Variants in ANTXRL observed in about 807,000 individuals in gnomAD.
ANTXRL encodes anthrax toxin receptor-like.
Under a neutral mutation model 75.4 loss-of-function variants are expected in ANTXRL, and 63 were observed. The ratio of observed to expected loss-of-function variants is 0.84; its 90% CI spans 0.68 to 1.03. The LOEUF (loss-of-function observed/expected upper bound fraction) is 1.03. Among genes scored for constraint, ANTXRL ranks in the 50% least tolerant of loss-of-function variants. The probability of loss-of-function intolerance (pLI) is 0.00; values close to 1 mark genes in which losing one functional copy is unlikely to be tolerated. For synonymous variants in ANTXRL, 335 were observed against 291.3 expected, an observed-to-expected ratio of 1.15 and a Z score of -1.53; for missense variants, 797 against 789.4, an observed-to-expected ratio of 1.01 and a Z score of -0.12.
chr10:46,329,950 T>TG lies in ANTXRL; in HGVS notation c.1763dup (p.Cys588TrpfsTer11). 1 of 1,533,788 alleles carries TG rather than the reference T, an allele frequency of 6.5e-7. No individual in the cohort carries two copies. ...CAGCCGGGAGTGCCTCCCCCTCACC[T>TG]GCTCCTCCAGGTGCCGCCTCCCCCC... On this transcript the variant is annotated frameshift_variant, in exon 17 of 17. Coordinates refer to ENST00000620264, the MANE Select transcript of ANTXRL (RefSeq NM_001278688.3). LOFTEE classifies it high-confidence loss of function.
Position 46,302,822 on chromosome 10 carries a change from T to C in ANTXRL, c.895+2T>C. On this transcript the variant is annotated splice_donor_variant, in intron 10 of 16. Coordinates refer to ENST00000620264, the MANE Select transcript of ANTXRL (RefSeq NM_001278688.3). LOFTEE classifies it high-confidence loss of function. ...TCTTCAATGAAAGCACTATCATTGG[T>C]AAGTTGTCTCCTCTGTGCCTCTGAG... 1 of 1,525,206 alleles carries C rather than the reference T, an allele frequency of 6.6e-7. No individual in the cohort carries two copies. The highest frequency in any genetic ancestry group is 8.8e-7 in the Non-Finnish European group (1 of 1,137,202). The allele number at this position is 1,525,206 out of a possible 1,614,324, so 94.5% of individuals were successfully genotyped here.
chr10:46,329,418 G>C (rs575318852), intron 16 of ANTXRL, among the ~76,000 whole-genome samples, 181 bp from the exon 17 acceptor site: 2 of 152,266 alleles, frequency 1.3e-5, no homozygotes, highest in East Asian at 3.9e-4. Flanking sequence ...CTGGAGCTGA[G>C]TCTGGAAGGA....
rs191129797 is a variant in ANTXRL at position 46,300,802 on chromosome 10, C to T, written c.797-1920C>T. Among the ~76,000 whole-genome samples the T allele has an allele frequency of 3.3e-3, 502 of 152,260 alleles. 1 individual carries two copies. The highest frequency in any genetic ancestry group is 3.2e-3 in the Non-Finnish European group (216 of 68,024). On this transcript the variant is annotated intron_variant, in intron 9 of 16. Transcript: ENST00000620264. Reference sequence around the variant, plus strand: ...ACTTGTCACCCAGGGTGTATCATGACTTCTGGTTGTCTATGTCTAAGCATA... The same window carrying T: ...ACTTGTCACCCAGGGTGTATCATGATTTCTGGTTGTCTATGTCTAAGCATA...
intron 15 of ANTXRL, 23 bp from the exon 16 acceptor site, chr10:46,313,213 C>A (rs1838529622): frequency 2.0e-6 from 3 of 1,534,234 alleles, no homozygotes; most frequent in Non-Finnish European, 2.6e-6. Context: ...GCATGTCTTC[C>A]TCATGGCCAC....
At chr10:46,313,389 A>T in intron 16 of ANTXRL, 73 bp downstream of exon 16, 1 of 1,433,494 alleles carries the variant, frequency 7.0e-7, no homozygotes, top group Non-Finnish European at 9.5e-7. Context: ...GTCCTCTGGG[A>T]TTGGGGCTCA....
At chr10:46,307,037 C>T (rs1368112711) in intron 11 of ANTXRL, among the ~76,000 whole-genome samples, 165 bp downstream of exon 11, 1 of 152,108 alleles carries the variant, frequency 6.6e-6, no homozygotes, top group Non-Finnish European at 1.5e-5. Flanking sequence ...TAGTGACCCC[C>T]AAGGTATTCA....
chr10:46,298,402 G>C (rs577061549), intron 9 of ANTXRL, among the ~76,000 whole-genome samples: 3 of 151,842 alleles, frequency 2.0e-5, no homozygotes, highest in South Asian at 4.2e-4. Context: ...GTGTGTGTGG[G>C]GTGTGCATGA....
At chr10:46,293,325 TGTGA>T (rs1424743694) in intron 2 of ANTXRL, among the ~76,000 whole-genome samples, 10 of 146,190 alleles carry the variant, frequency 6.8e-5, no homozygotes, top group South Asian at 2.2e-4. Flanking sequence ...TGTGCCTGTG[TGTGA>T]GTGTGTGCGT....
intron 10 of ANTXRL, 137 bp from the exon 11 acceptor site, chr10:46,306,666 G>A: frequency 1.5e-6 from 1 of 650,852 alleles, no homozygotes; most frequent in Non-Finnish European, 2.5e-6. Context: ...TGCTTGCAGG[G>A]GTCTGTGCAA....
chr10:46,306,884 T>C lies in ANTXRL; in HGVS notation c.965+12T>C. 1 of 1,523,260 alleles carries C rather than the reference T, an allele frequency of 6.6e-7. No individual in the cohort carries two copies. Among genetic ancestry groups the C allele is most frequent in the Admixed American group, 2.0e-5 (1 of 49,042 alleles). 94.4% of individuals were successfully genotyped at this position (1,523,260 alleles called of 1,614,324 possible). A position where few individuals can be genotyped will look rare whatever the true frequency, so the allele number is the denominator to read the frequency against. On this transcript the variant is annotated intron_variant, in intron 11 of 16. Coordinates refer to ENST00000620264, the MANE Select transcript of ANTXRL (RefSeq NM_001278688.3). Reference sequence around the variant, plus strand: ...GAAAAACCTGGAGAGTAAGTGCCCCTGGCAGGAGGCTAGAGGGCAAGAGAC... The same window carrying C: ...GAAAAACCTGGAGAGTAAGTGCCCCCGGCAGGAGGCTAGAGGGCAAGAGAC...
intron 2 of ANTXRL, among the ~76,000 whole-genome samples, chr10:46,293,269 TGC>T: frequency 1.1e-5 from 1 of 90,540 alleles, no homozygotes; most frequent in Non-Finnish European, 2.7e-5. Flanking sequence ...TGTATACCTG[TGC>T]GTGTGTGAGA....
chr10:46,305,951 G>C (rs1554961767), intron 10 of ANTXRL, among the ~76,000 whole-genome samples: 1 of 152,136 alleles, frequency 6.6e-6, no homozygotes, highest in Non-Finnish European at 1.5e-5. Flanking sequence ...AAGTCCTGTT[G>C]CCTCCATGTG....
chr10:46,297,775 G>C lies in ANTXRL; in HGVS notation c.655-56G>C, dbSNP rs1309325788. On this transcript the variant is annotated intron_variant, in intron 7 of 16. Coordinates refer to ENST00000620264, the MANE Select transcript of ANTXRL (RefSeq NM_001278688.3). ...CAAGACACTGTCTCCTGGGCCGGGGGTCTGCTGCATCCTCACCTCCTGGTG... is the reference window on the plus strand; with the variant it reads ...CAAGACACTGTCTCCTGGGCCGGGGCTCTGCTGCATCCTCACCTCCTGGTG... 14 of 1,440,524 alleles carry C rather than the reference G, an allele frequency of 9.7e-6. No homozygotes were observed. In the Admixed American group the frequency reaches 2.8e-4, roughly 28 times the overall value. 89.2% of individuals were successfully genotyped at this position (1,440,524 alleles called of 1,614,324 possible).
chr10:46,320,485 A>C (rs1838929233), intron 16 of ANTXRL, among the ~76,000 whole-genome samples: 1 of 152,106 alleles, frequency 6.6e-6, no homozygotes, highest in Non-Finnish European at 1.5e-5. Context: ...TAATCCCAAC[A>C]CTTTGGGAGG....
chr10:46,300,246 T>G (rs566131582), intron 9 of ANTXRL, among the ~76,000 whole-genome samples: 3 of 151,694 alleles, frequency 2.0e-5, no homozygotes, highest in African/African-American at 7.3e-5. Flanking sequence ...ACATGGAGGG[T>G]GACAGTCACA....
chr10:46,299,224 T>C (rs1333279380), intron 9 of ANTXRL, among the ~76,000 whole-genome samples: 5 of 151,990 alleles, frequency 3.3e-5, no homozygotes, highest in African/African-American at 1.2e-4. Context: ...GAACAAGAAG[T>C]AGGGGTGTCA....
At chr10:46,309,091 TG>T (rs1554962690) in intron 12 of ANTXRL, 21 bp from the exon 13 acceptor site, 1 of 1,535,542 alleles carries the variant, frequency 6.5e-7, no homozygotes, top group Non-Finnish European at 8.7e-7. Flanking sequence ...GGCCCTCCTA[TG>T]GTGCTCTCTT....
intron 15 of ANTXRL, among the ~76,000 whole-genome samples, chr10:46,312,314 C>A (rs564962157): frequency 1.3e-5 from 2 of 149,398 alleles, no homozygotes; most frequent in South Asian, 2.1e-4. Flanking sequence ...CCGGAGCCAA[C>A]ACAACAGCCA....
At chr10:46,307,980 C>A (rs1249776410) in intron 12 of ANTXRL, among the ~76,000 whole-genome samples, 3 of 152,168 alleles carry the variant, frequency 2.0e-5, no homozygotes, top group Admixed American at 6.5e-5. Context: ...GCACTCGGAC[C>A]CGAGCTCAGC....
Sources: allele counts gnomAD v4.1 joint callset (sites outside exome capture counted in the v4.1 genomes callset), GRCh38; gene constraint gnomAD v4.1.1; transcripts MANE v1.5; gene names NCBI Gene and HGNC (gene_info 2026-07-23, HGNC 2026-07-21).